The following FOXK2 variants were observed in gnomAD, a reference collection of about 807,000 sequenced individuals.
The protein encoded by FOXK2 is forkhead box K2.
A neutral mutation model predicts 53.3 loss-of-function variants in FOXK2; 24 were observed. The observed-to-expected ratio is 0.45, with a 90% CI of 0.33 to 0.63. FOXK2 has a LOEUF of 0.63. Ranked by LOEUF, FOXK2 falls within the 30% of genes least tolerant of loss-of-function variation. FOXK2 has a pLI of 0.03. For synonymous variants in FOXK2, 505 were observed against 407.1 expected, an observed-to-expected ratio of 1.24 and a Z score of -2.89; for missense variants, 952 against 910.5, an observed-to-expected ratio of 1.05 and a Z score of -0.59.
chr17:82,561,968 G>C (rs1003293029), intron 1 of FOXK2, among the ~76,000 whole-genome samples: 1 of 152,186 alleles, frequency 6.6e-6, no homozygotes, highest in Non-Finnish European at 1.5e-5. Context: ...CGCGCCGGGT[G>C]CGCGGATGTG....
At chr17:82,535,552 C>G (rs1326876179) in intron 1 of FOXK2, among the ~76,000 whole-genome samples, 1 of 152,142 alleles carries the variant, frequency 6.6e-6, no homozygotes, top group African/African-American at 2.4e-5. Context: ...GTCTTCCCAT[C>G]TTCAAGTTTC....
chr17:82,585,870 C>G (rs2045132348), intron 6 of FOXK2, 34 bp from the exon 7 acceptor site: 1 of 1,587,392 alleles, frequency 6.3e-7, no homozygotes, highest in Non-Finnish European at 8.6e-7. Context: ...AAGTCAGTAT[C>G]TGTAAGTGTC....
intron 7 of FOXK2, among the ~76,000 whole-genome samples, chr17:82,586,658 A>G (rs12951109): frequency 1.3e-5 from 2 of 151,580 alleles, no homozygotes; most frequent in Non-Finnish European, 2.9e-5. Context: ...TCCCAGCACT[A>G]TGGGGGGCTG....
At chr17:82,556,155 A>AAGC (rs1317889794) in intron 1 of FOXK2, among the ~76,000 whole-genome samples, 6 of 151,836 alleles carry the variant, frequency 4.0e-5, no homozygotes, top group Non-Finnish European at 8.8e-5. Context: ...GATGAAGAAA[A>AAGC]AGCAAGTTGG....
chr17:82,559,937 A>G (rs2044774714), intron 1 of FOXK2, among the ~76,000 whole-genome samples: 1 of 151,652 alleles, frequency 6.6e-6, no homozygotes, highest in Non-Finnish European at 1.5e-5. Context: ...TGCATCTGGA[A>G]AGTCTAAAGC....
At chr17:82,552,358 C>T (rs11653915) in intron 1 of FOXK2, among the ~76,000 whole-genome samples, 4,611 of 152,276 alleles carry the variant, frequency 0.03, 96 homozygotes, top group Non-Finnish European at 0.044. Context: ...GCAAAGGTGA[C>T]GCTTTCCCTG....
At chr17:82,520,861 T>G (rs1364273144) in intron 1 of FOXK2, among the ~76,000 whole-genome samples, 1 of 152,186 alleles carries the variant, frequency 6.6e-6, no homozygotes, top group Non-Finnish European at 1.5e-5. Flanking sequence ...TGGAAGACGC[T>G]TCAAGCATGA....
chr17:82,536,166 CG>C (rs1337947840), intron 1 of FOXK2, among the ~76,000 whole-genome samples: 1 of 152,184 alleles, frequency 6.6e-6, no homozygotes, highest in Non-Finnish European at 1.5e-5. Context: ...GTGTGAGCTA[CG>C]GTGCCCGGCC....
chr17:82,528,636 T>C (rs1490786311), intron 1 of FOXK2, among the ~76,000 whole-genome samples: 2 of 152,162 alleles, frequency 1.3e-5, no homozygotes, highest in Admixed American at 1.3e-4. Context: ...GTTACAGCTG[T>C]ACCTAGGAAG....
At chr17:82,591,491 G>A (rs569071376) in intron 8 of FOXK2, among the ~76,000 whole-genome samples, 55 of 152,256 alleles carry the variant, frequency 3.6e-4, no homozygotes, top group Admixed American at 1.9e-3. Flanking sequence ...GATGGAAGCC[G>A]GGAGGCTTCC....
chr17:82,554,157 T>C (rs1234199805), intron 1 of FOXK2, among the ~76,000 whole-genome samples: 1 of 152,166 alleles, frequency 6.6e-6, no homozygotes, highest in East Asian at 1.9e-4. Flanking sequence ...AAACTGGTTG[T>C]AGGGAATAGT....
intron 1 of FOXK2, among the ~76,000 whole-genome samples, chr17:82,552,716 C>G (rs932348714): frequency 6.6e-6 from 1 of 152,032 alleles, no homozygotes; most frequent in African/African-American, 2.4e-5. Flanking sequence ...GCCGTGTTAC[C>G]CTGGTGTCGT....
chr17:82,550,381 C>T (rs1162707340), intron 1 of FOXK2, among the ~76,000 whole-genome samples: 1 of 152,052 alleles, frequency 6.6e-6, no homozygotes, highest in Non-Finnish European at 1.5e-5. Context: ...GGTGCAGGAG[C>T]AAGATGGGCT....
chr17:82,550,992 T>C (rs2044671398), intron 1 of FOXK2, among the ~76,000 whole-genome samples: 1 of 152,196 alleles, frequency 6.6e-6, no homozygotes, highest in African/African-American at 2.4e-5. Context: ...TGTCAAAGCC[T>C]GTTTTAAGCT....
intron 1 of FOXK2, among the ~76,000 whole-genome samples, chr17:82,533,489 C>CAAA (rs77314230): frequency 6.9e-6 from 1 of 144,756 alleles, no homozygotes; most frequent in African/African-American, 2.5e-5. Flanking sequence ...GACTTTGTCT[C>CAAA]AAAAAAAAAA....
intron 8 of FOXK2, among the ~76,000 whole-genome samples, chr17:82,590,138 T>C (rs1460591686): frequency 2.0e-5 from 3 of 152,076 alleles, no homozygotes; most frequent in Non-Finnish European, 4.4e-5. Context: ...CAGTGCCCAG[T>C]TGAGCAGATG....
chr17:82,597,098 T>C (rs949229469), intron 8 of FOXK2, among the ~76,000 whole-genome samples: 1 of 152,152 alleles, frequency 6.6e-6, no homozygotes, highest in African/African-American at 2.4e-5. Context: ...CGCTAAGCCG[T>C]GACTCCCTGT....
At chr17:82,597,371 G>A (rs548516192) in intron 8 of FOXK2, among the ~76,000 whole-genome samples, 8 of 152,282 alleles carry the variant, frequency 5.3e-5, no homozygotes, top group African/African-American at 1.7e-4. Flanking sequence ...GAGAGGGGTC[G>A]CCCTCTCTTG....
chr17:82,586,989 T>G (rs773238976), intron 7 of FOXK2, 74 bp from the exon 8 acceptor site: 18 of 1,388,816 alleles, frequency 1.3e-5, no homozygotes, highest in Admixed American at 6.8e-5. Context: ...TATCTGGTTA[T>G]TATGTTTTAA....
Sources: gnomAD v4.1 joint callset for allele counts (sites outside exome capture counted in the v4.1 genomes callset) on GRCh38, gnomAD v4.1.1 for gene constraint, MANE v1.5 for transcripts, NCBI Gene and HGNC (gene_info 2026-07-23, HGNC 2026-07-21) for gene names.